CCM2: variants seen among roughly 807,000 people sequenced by gnomAD.
CCM2 encodes the protein CCM2 scaffold protein, also known as cerebral cavernous malformations 2 protein.
Under a neutral mutation model 44.9 loss-of-function variants are expected in CCM2, and 25 were observed. That is an observed-to-expected ratio of 0.56 (90% CI 0.41 to 0.78). CCM2 has a LOEUF of 0.78. CCM2 is among the 30% of genes least tolerant of loss of function. The pLI is 0.00. For synonymous variants in CCM2, 219 were observed against 241.1 expected (o/e 0.91, Z 0.85); for missense variants, 481 against 580.6 (o/e 0.83, Z 1.76).
intron 1 of CCM2, among the ~76,000 whole-genome samples, chr7:45,034,304 C>A (rs111447896): frequency 0.058 from 8,888 of 151,976 alleles, 329 homozygotes; most frequent in African/African-American, 0.097. Flanking sequence ...CTCTGCCTCC[C>A]GGATTCAAGC....
intron 1 of CCM2, among the ~76,000 whole-genome samples, chr7:45,025,611 G>A (rs540201982): frequency 2.2e-4 from 32 of 148,076 alleles, no homozygotes; most frequent in South Asian, 8.4e-4. Context: ...TCACCTCACC[G>A]CAACCTCCGC....
chr7:45,073,520 G>A lies in CCM2; in HGVS notation c.864G>A (p.Glu288=), dbSNP rs778781413. The A allele has an allele frequency of 8.1e-6, 13 of 1,613,238 alleles. No homozygotes were observed. The highest frequency in any genetic ancestry group is 1.1e-5 in the Non-Finnish European group (13 of 1,179,980). ...GASPHSKTIS[E]SELSASATEL... ...CACCCCACAGCAAGACCATCAGTGA[G>A]AGCGAGCTGAGCGCCAGCGCCACTG... Residue 288 remains glutamate (E), a synonymous_variant, in exon 8 of 10, where the codon GAG becomes GAA. Coordinates refer to ENST00000258781, the MANE Select transcript of CCM2 (RefSeq NM_031443.4).
intron 1 of CCM2, among the ~76,000 whole-genome samples, chr7:45,019,640 T>C (rs4724348): frequency 0.87 from 131,472 of 151,774 alleles, 57,249 homozygotes; most frequent in African/African-American, 0.96. Flanking sequence ...TAGAGTGCAA[T>C]GGTGTGATCA....
intron 1 of CCM2, among the ~76,000 whole-genome samples, chr7:45,032,406 A>G (rs1797010335): frequency 6.6e-6 from 1 of 152,076 alleles, no homozygotes; most frequent in African/African-American, 2.4e-5. Context: ...CTAGTCTGTG[A>G]GCAGTCAGAA....
intron 1 of CCM2, among the ~76,000 whole-genome samples, chr7:45,035,477 A>G (rs1035043848): frequency 1.3e-5 from 2 of 152,072 alleles, no homozygotes; most frequent in Non-Finnish European, 2.9e-5. Context: ...GTCAAAGGGG[A>G]GAGACTACTC....
At chr7:45,074,046 GGA>G (rs1799220638) in intron 8 of CCM2, 1 of 906,510 alleles carries the variant, frequency 1.1e-6, no homozygotes, top group Non-Finnish European at 1.6e-6. Context: ...TTCCAGCTCA[GGA>G]GAGTGGAGCT....
rs548754954 is a variant in CCM2 at position 45,052,049 on chromosome 7, A to G, written c.205-11869A>G. On this transcript the variant is annotated intron_variant, in intron 2 of 9. Transcript: ENST00000258781. The stretch of plus-strand genomic sequence containing the variant: ...TGCCTACTGCTGTACCTCCTTTAGC[A>G]CTAAGTGAGTCCCTTGATCCAAGGT... 3.9e-5 allele frequency among the ~76,000 whole-genome samples: 6 copies of G among 152,278 alleles called. No homozygotes were observed. In the South Asian group the frequency reaches 1.2e-3, roughly 32 times the overall value.
chr7:45,023,787 GTTTTTTTTTTTT>G (rs10596429), intron 1 of CCM2, among the ~76,000 whole-genome samples: 23 of 58,644 alleles, frequency 3.9e-4, no homozygotes, highest in African/African-American at 1.2e-3. Flanking sequence ...CTCTGTATCA[GTTTTTTTTTTTT>G]TTTTTTTTTT....
At chr7:45,061,306 C>A (rs757643279) in intron 2 of CCM2, among the ~76,000 whole-genome samples, 13 of 152,082 alleles carry the variant, frequency 8.5e-5, no homozygotes, top group Non-Finnish European at 1.5e-4. Flanking sequence ...TTTCCTCCCC[C>A]TTAGGAGAGA....
chr7:45,056,278 T>C lies in CCM2; in HGVS notation c.205-7640T>C, dbSNP rs1798258133. Among the ~76,000 whole-genome samples, 3 of 152,244 alleles carry C rather than the reference T, an allele frequency of 2.0e-5. No individual in the cohort carries two copies. The South Asian group carries it at 6.2e-4, about 32-fold the overall frequency. Reference sequence around the variant, plus strand: ...ACCACCATATTGCTTTTCACAGGAGTATCATTTTACATTCCCATCAGTAAT... The same window carrying C: ...ACCACCATATTGCTTTTCACAGGAGCATCATTTTACATTCCCATCAGTAAT... On this transcript the variant is annotated intron_variant, in intron 2 of 9. Coordinates refer to ENST00000258781, the MANE Select transcript of CCM2 (RefSeq NM_031443.4).
Position 45,076,036 on chromosome 7 carries a change from C to A in CCM2, c.1314C>A (p.Ser438Arg), listed in dbSNP as rs148496534. ...GCGACATTGAGGCGCTGGGCTGCAG[C>A]ATGGACCAGGACTCAGCATGATGGA... ...ISSDIEALGCSMDQDSA is the reference protein window; with the variant it reads ...ISSDIEALGCRMDQDSA The change falls in exon 10 of 10, where the codon AGC becomes AGA. Residue 438 changes from serine to arginine, a missense_variant. By Grantham distance (110) the Ser-to-Arg change is moderately radical (BLOSUM62 -1). Coordinates refer to ENST00000258781, the MANE Select transcript of CCM2 (RefSeq NM_031443.4). The A allele has an allele frequency of 8.1e-6, 13 of 1,612,954 alleles. No homozygotes were observed. In the African/African-American group the frequency reaches 1.7e-4, roughly 22 times the overall value.
intron 2 of CCM2, among the ~76,000 whole-genome samples, chr7:45,051,297 A>T (rs1271513068): frequency 1.3e-5 from 2 of 152,210 alleles, no homozygotes; most frequent in African/African-American, 4.8e-5. Context: ...TGTATACTGC[A>T]TCCTAAAGAA....
At chr7:45,065,060 CAG>C in intron 4 of CCM2, among the ~76,000 whole-genome samples, 1 of 152,280 alleles carries the variant, frequency 6.6e-6, no homozygotes, top group East Asian at 1.9e-4. Flanking sequence ...AAACCTGGGA[CAG>C]AAAAGATGAG....
At position 45,074,367 on chromosome 7, in the gene CCM2, T is replaced by C; in HGVS notation, c.1013T>C (p.Leu338Pro). 2 of 1,613,676 alleles carry C rather than the reference T, an allele frequency of 1.2e-6. No homozygotes were observed. The highest frequency in any genetic ancestry group is 1.7e-6 in the Non-Finnish European group (2 of 1,179,994). Reference protein sequence around the residue: ...GASIHEFCINLRQLYGDSRKF... With the variant: ...GASIHEFCINPRQLYGDSRKF... ...TCTATCCACGAGTTCTGCATCAACC[T>C]GCGGCAGCTCTACGGGGACAGCCGC... The change falls in exon 9 of 10, where the codon CTG (leucine) becomes CCG (proline). Residue 338 changes from leucine (L) to proline (P), a missense_variant. By Grantham distance (98) the Leu-to-Pro change is moderately conservative (BLOSUM62 -3). Transcript: ENST00000258781.
intron 1 of CCM2, among the ~76,000 whole-genome samples, chr7:45,022,553 G>A (rs1401563461): frequency 1.3e-5 from 2 of 151,606 alleles, no homozygotes; most frequent in Admixed American, 6.6e-5. Flanking sequence ...TCATCCGCCC[G>A]CCTCGGCCTC....
chr7:45,051,866 T>C (rs1798028827), intron 2 of CCM2, among the ~76,000 whole-genome samples: 1 of 148,616 alleles, frequency 6.7e-6, no homozygotes, highest in African/African-American at 2.5e-5. Context: ...CGGCCACGCC[T>C]GGCTAATTTT....
intron 2 of CCM2, among the ~76,000 whole-genome samples, chr7:45,040,448 GAGAA>G: frequency 6.6e-6 from 1 of 152,126 alleles, no homozygotes; most frequent in Non-Finnish European, 1.5e-5. Context: ...AACAAAAGAT[GAGAA>G]AGAGAAATGA....
chr7:45,073,851 T>C, intron 8 of CCM2: 1 of 556,746 alleles, frequency 1.8e-6, no homozygotes, highest in Non-Finnish European at 3.2e-6. Context: ...CGGTGGCCCC[T>C]GCAAGGCCAC....
chr7:45,000,252 G>A lies in CCM2; in HGVS notation c.-82G>A, dbSNP rs1255936183. 2.2e-6 allele frequency: 2 copies of A among 898,666 alleles called. No individual in the cohort carries two copies. Among genetic ancestry groups the A allele is most frequent in the Non-Finnish European group, 2.7e-6 (2 of 733,206 alleles). 55.7% of individuals were successfully genotyped at this position (898,666 alleles called of 1,614,324 possible). On this transcript the variant is annotated 5_prime_UTR_variant, in exon 1 of 10. Coordinates refer to ENST00000258781, the MANE Select transcript of CCM2 (RefSeq NM_031443.4). ...GGCGCCGGGAGCGCGGGGGCGGCGG[G>A]CCCGGGTCGAGCATGTAGCGGCTGC...
Sources: gnomAD v4.1 joint callset for allele counts (sites outside exome capture counted in the v4.1 genomes callset) on GRCh38, gnomAD v4.1.1 for gene constraint, MANE v1.5 for transcripts, NCBI Gene and HGNC (gene_info 2026-07-23, HGNC 2026-07-21) for gene names.